SPEF2: variants seen among roughly 807,000 people sequenced by gnomAD.
SPEF2 encodes sperm flagellar and cilia associated 2, also known as sperm flagella and cilia-associated protein 2.
Under a neutral mutation model 224.6 loss-of-function variants are expected in SPEF2, and 187 were observed. The observed-to-expected ratio is 0.83, with a 90% CI of 0.74 to 0.94. SPEF2 has a LOEUF of 0.94. Among genes scored for constraint, SPEF2 ranks in the 40% least tolerant of loss-of-function variants. The pLI is 0.00. For synonymous variants in SPEF2, 715 were observed against 707.3 expected, an observed-to-expected ratio of 1.01 and a Z score of -0.17; for missense variants, 2,170 against 2,135.6, an observed-to-expected ratio of 1.02 and a Z score of -0.32.
intron 20 of SPEF2, among the ~76,000 whole-genome samples, chr5:35,719,115 A>T (rs1743146801): frequency 6.6e-6 from 1 of 152,144 alleles, no homozygotes; most frequent in African/African-American, 2.4e-5. Flanking sequence ...ACCTCAGAGG[A>T]TTTGCAGGAT....
intron 6 of SPEF2, among the ~76,000 whole-genome samples, chr5:35,653,639 G>T (rs1253691647): frequency 3.3e-5 from 5 of 152,050 alleles, no homozygotes; most frequent in African/African-American, 1.2e-4. Flanking sequence ...AGAATTTCCG[G>T]TTAGAATGAA....
At chr5:35,667,969 C>T (rs748330704) in intron 9 of SPEF2, among the ~76,000 whole-genome samples, 1 of 152,092 alleles carries the variant, frequency 6.6e-6, no homozygotes, top group Non-Finnish European at 1.5e-5. Context: ...TATATCATTA[C>T]ACACCTATAA....
At chr5:35,733,708 G>A (rs980080468) in intron 21 of SPEF2, among the ~76,000 whole-genome samples, 8 of 152,172 alleles carry the variant, frequency 5.3e-5, no homozygotes, top group Admixed American at 3.3e-4. Flanking sequence ...TGGAAACCAC[G>A]GAATGTTTTT....
At chr5:35,752,971 TA>T (rs1749895135) in intron 23 of SPEF2, among the ~76,000 whole-genome samples, 1 of 149,888 alleles carries the variant, frequency 6.7e-6, no homozygotes, top group South Asian at 2.1e-4. Context: ...ACTCATACTC[TA>T]CTATACTATA....
chr5:35,788,089 T>C, intron 30 of SPEF2: 1 of 703,012 alleles, frequency 1.4e-6, no homozygotes, highest in Non-Finnish European at 2.6e-6. Flanking sequence ...TTTATGGTAC[T>C]GACAACTTTA....
chr5:35,738,207 C>G (rs1214022493), intron 21 of SPEF2, among the ~76,000 whole-genome samples: 1 of 152,096 alleles, frequency 6.6e-6, no homozygotes, highest in Non-Finnish European at 1.5e-5. Flanking sequence ...TGCCGAAGCT[C>G]TTTAGTTTAA....
intron 20 of SPEF2, among the ~76,000 whole-genome samples, chr5:35,724,512 C>G (rs1229146895): frequency 6.6e-6 from 1 of 152,026 alleles, no homozygotes; most frequent in Non-Finnish European, 1.5e-5. Context: ...AAGTATGAAT[C>G]AAAAGAACAT....
chr5:35,656,999 G>A (rs916263234), intron 7 of SPEF2, among the ~76,000 whole-genome samples: 9 of 152,190 alleles, frequency 5.9e-5, no homozygotes, highest in African/African-American at 1.9e-4. Flanking sequence ...GGTGGAATGG[G>A]AAATTCTTAT....
intron 1 of SPEF2, among the ~76,000 whole-genome samples, chr5:35,622,620 C>A: frequency 6.6e-6 from 1 of 152,154 alleles, no homozygotes; most frequent in Non-Finnish European, 1.5e-5. Context: ...AACCCGGAGT[C>A]TAAACCTTAC....
chr5:35,807,846 A>G (rs1758266704), intron 36 of SPEF2: 2 of 1,514,936 alleles, frequency 1.3e-6, no homozygotes, highest in South Asian at 1.2e-5. Flanking sequence ...TGCATCCACT[A>G]TGGCGAGTCC....
At chr5:35,649,862 T>C (rs1747934626) in intron 6 of SPEF2, among the ~76,000 whole-genome samples, 1 of 152,204 alleles carries the variant, frequency 6.6e-6, no homozygotes, top group South Asian at 2.1e-4. Context: ...CAAATGTCAC[T>C]AAGACAGTCA....
At chr5:35,794,185 T>G (rs977253844) in intron 32 of SPEF2, among the ~76,000 whole-genome samples, 1 of 152,222 alleles carries the variant, frequency 6.6e-6, no homozygotes, top group East Asian at 1.9e-4. Flanking sequence ...AAACAAAATT[T>G]CATAACTGAG....
chr5:35,790,220 T>C (rs1430423685), intron 30 of SPEF2: 2 of 688,906 alleles, frequency 2.9e-6, no homozygotes, highest in South Asian at 1.5e-5. Context: ...GTATGACGGA[T>C]GTCCTAATTA....
chr5:35,646,141 A>G (rs1420162757), intron 4 of SPEF2, among the ~76,000 whole-genome samples: 3 of 152,230 alleles, frequency 2.0e-5, no homozygotes. Flanking sequence ...CAATAATTGT[A>G]TCACATAATT....
At chr5:35,740,382 G>A in intron 23 of SPEF2, 115 bp downstream of exon 23, 2 of 1,352,840 alleles carry the variant, frequency 1.5e-6, no homozygotes, top group Non-Finnish European at 2.0e-6. Context: ...GAAAGAAAAT[G>A]GTTTGAACTA....
At chr5:35,627,531 T>G (rs916324379) in intron 1 of SPEF2, among the ~76,000 whole-genome samples, 1 of 151,542 alleles carries the variant, frequency 6.6e-6, no homozygotes, top group Non-Finnish European at 1.5e-5. Context: ...AACCCAGGAG[T>G]CAGAGGTTGT....
chr5:35,663,441 G>T (rs1750010145), intron 8 of SPEF2, among the ~76,000 whole-genome samples: 2 of 152,120 alleles, frequency 1.3e-5, no homozygotes, highest in African/African-American at 4.8e-5. Context: ...ATGTTCCATA[G>T]CTCAACAAAT....
intron 16 of SPEF2, among the ~76,000 whole-genome samples, chr5:35,701,686 G>A (rs537642583): frequency 9.2e-5 from 14 of 152,154 alleles, no homozygotes; most frequent in South Asian, 4.1e-4. Flanking sequence ...CAAATGATTC[G>A]TGTTCTTAGA....
At chr5:35,789,235 TAAA>T in intron 30 of SPEF2, 1 of 703,050 alleles carries the variant, frequency 1.4e-6, no homozygotes, top group Non-Finnish European at 2.6e-6. Flanking sequence ...CTGACATTGT[TAAA>T]TTTGCCCACT....
Sources: allele counts gnomAD v4.1 joint callset (sites outside exome capture counted in the v4.1 genomes callset), GRCh38; gene constraint gnomAD v4.1.1; transcripts MANE v1.5; gene names NCBI Gene and HGNC (gene_info 2026-07-23, HGNC 2026-07-21).